The following FILIP1 variants were observed in gnomAD, a reference collection of about 807,000 sequenced individuals.
The protein encoded by FILIP1 is filamin A interacting protein 1, also known as filamin-A-interacting protein 1.
A neutral mutation model predicts 102.1 loss-of-function variants in FILIP1; 61 were observed. That is an observed-to-expected ratio of 0.60 (90% CI 0.49 to 0.74). The LOEUF is 0.74. FILIP1 is among the 30% of genes least tolerant of loss of function. The probability of loss-of-function intolerance (pLI) is 0.00; values close to 1 mark genes in which losing one functional copy is unlikely to be tolerated. For missense variants in FILIP1, 1,314 were observed against 1,441.2 expected (o/e 0.91, Z 1.43); for synonymous variants, 491 against 526.9 (o/e 0.93, Z 0.93).
chr6:75,386,392 C>T (rs1344380428), intron 2 of FILIP1: 1 of 152,194 alleles, frequency 6.6e-6, no homozygotes, highest in African/African-American at 2.4e-5. Flanking sequence ...TGTTCTTGCA[C>T]ATTTCTTCAT....
At chr6:75,337,736 A>G (rs769889472) in intron 4 of FILIP1, among the ~76,000 whole-genome samples, 3 of 152,188 alleles carry the variant, frequency 2.0e-5, no homozygotes, top group African/African-American at 4.8e-5. Context: ...TCTGGATAAT[A>G]GTTCTTCCCA....
At chr6:75,469,561 G>A (rs1426514819) in intron 1 of FILIP1, among the ~76,000 whole-genome samples, 1 of 151,916 alleles carries the variant, frequency 6.6e-6, no homozygotes, top group African/African-American at 2.4e-5. Context: ...TTCTTAAAAG[G>A]ATTAGCTTTT....
intron 4 of FILIP1, among the ~76,000 whole-genome samples, chr6:75,327,819 G>T (rs1562464154): frequency 6.6e-6 from 1 of 151,784 alleles, no homozygotes; most frequent in African/African-American, 2.4e-5. Flanking sequence ...TGAAATAATG[G>T]ATGTAGGTAA....
intron 2 of FILIP1, among the ~76,000 whole-genome samples, chr6:75,383,195 C>T (rs1217821993): frequency 6.6e-6 from 1 of 152,064 alleles, no homozygotes; most frequent in African/African-American, 2.4e-5. Flanking sequence ...CATTTCTGTC[C>T]CTGATCTTCA....
At chr6:75,323,444 A>G (rs1303794864) in intron 4 of FILIP1, among the ~76,000 whole-genome samples, 1 of 152,252 alleles carries the variant, frequency 6.6e-6, no homozygotes, top group East Asian at 1.9e-4. Context: ...AAGATTGTAA[A>G]CAAATATTAC....
At chr6:75,488,896 G>A (rs548892789) in intron 1 of FILIP1, among the ~76,000 whole-genome samples, 2 of 152,192 alleles carry the variant, frequency 1.3e-5, no homozygotes, top group East Asian at 3.9e-4. Flanking sequence ...TCATATTTAA[G>A]AAGAATGAAT....
intron 6 of FILIP1, among the ~76,000 whole-genome samples, chr6:75,296,158 A>G (rs1772661442): frequency 6.6e-6 from 1 of 152,198 alleles, no homozygotes; most frequent in Non-Finnish European, 1.5e-5. Flanking sequence ...AAAGCCCTTT[A>G]GAAACTACGT....
At chr6:75,372,895 T>C (rs1463955989) in intron 2 of FILIP1, among the ~76,000 whole-genome samples, 1 of 151,978 alleles carries the variant, frequency 6.6e-6, no homozygotes, top group African/African-American at 2.4e-5. Context: ...CTATGGAAAA[T>C]AGTATGTCAG....
intron 4 of FILIP1, among the ~76,000 whole-genome samples, chr6:75,342,950 C>T (rs1774462782): frequency 6.6e-6 from 1 of 152,184 alleles, no homozygotes; most frequent in African/African-American, 2.4e-5. Flanking sequence ...CAAGTTTTGC[C>T]TTTCTCTTCG....
intron 2 of FILIP1, among the ~76,000 whole-genome samples, chr6:75,406,099 C>G (rs1776835653): frequency 6.6e-6 from 1 of 152,152 alleles, no homozygotes; most frequent in Non-Finnish European, 1.5e-5. Context: ...CGGGGCCTTT[C>G]TGCTGATTTG....
At chr6:75,462,711 A>G (rs1779060574) in intron 1 of FILIP1, among the ~76,000 whole-genome samples, 1 of 151,984 alleles carries the variant, frequency 6.6e-6, no homozygotes, top group African/African-American at 2.4e-5. Context: ...TTATCTCTCA[A>G]ACTCAAGCCA....
intron 2 of FILIP1, among the ~76,000 whole-genome samples, chr6:75,363,199 G>A (rs1562503449): frequency 6.6e-6 from 1 of 151,916 alleles, no homozygotes; most frequent in Non-Finnish European, 1.5e-5. Context: ...TTGGGATGGG[G>A]TGGGGGAGGG....
At chr6:75,399,324 G>C (rs962719810) in intron 2 of FILIP1, 10 of 152,116 alleles carry the variant, frequency 6.6e-5, no homozygotes, top group African/African-American at 2.4e-4. Flanking sequence ...CTTTTGTATG[G>C]AAAAAATAAA....
At chr6:75,434,130 C>T (rs943577680) in intron 1 of FILIP1, among the ~76,000 whole-genome samples, 9 of 152,146 alleles carry the variant, frequency 5.9e-5, no homozygotes, top group Non-Finnish European at 1.3e-4. Context: ...TGTGATGCCT[C>T]CAGCTTTGTT....
intron 1 of FILIP1, among the ~76,000 whole-genome samples, chr6:75,434,914 C>T (rs893060347): frequency 6.6e-6 from 1 of 152,180 alleles, no homozygotes; most frequent in African/African-American, 2.4e-5. Context: ...TGAATTTTGT[C>T]GAAGGCCTTT....
chr6:75,412,427 G>C (rs1163737879), intron 2 of FILIP1, among the ~76,000 whole-genome samples: 1 of 152,054 alleles, frequency 6.6e-6, no homozygotes, highest in East Asian at 1.9e-4. Flanking sequence ...TTGCCTGATT[G>C]CCCTGGCCAG....
intron 2 of FILIP1, among the ~76,000 whole-genome samples, chr6:75,408,031 T>G (rs1300588938): frequency 6.6e-6 from 1 of 152,200 alleles, no homozygotes; most frequent in Non-Finnish European, 1.5e-5. Flanking sequence ...TTGGGACTAA[T>G]ACAAGGGGAA....
chr6:75,489,851 T>C (rs1421949105), intron 1 of FILIP1, among the ~76,000 whole-genome samples: 1 of 152,092 alleles, frequency 6.6e-6, no homozygotes, highest in Non-Finnish European at 1.5e-5. Flanking sequence ...GAATTTATAC[T>C]GCAGGCTTTT....
Position 75,314,845 on chromosome 6 carries a change from C to T in FILIP1, c.987G>A (p.Arg329=). The T allele has an allele frequency of 6.2e-7, 1 of 1,614,044 alleles. No homozygotes were observed. The highest frequency in any genetic ancestry group is 8.5e-7 in the Non-Finnish European group (1 of 1,180,012). Residue 329 remains arginine (R), a synonymous_variant, in exon 5 of 6, where the codon AGG becomes AGA. Coordinates refer to ENST00000237172, the MANE Select transcript of FILIP1 (RefSeq NM_015687.5). ...AGCCAACCAGCTTGAGTCTAAGTTG[C>T]CTATTGTGAGACTCTTGATTAGCCA... ...AKLANQESHN[R]QLRLKLVGLT...
Sources: gnomAD v4.1 joint callset for allele counts (sites outside exome capture counted in the v4.1 genomes callset) on GRCh38, gnomAD v4.1.1 for gene constraint, MANE v1.5 for transcripts, NCBI Gene and HGNC (gene_info 2026-07-23, HGNC 2026-07-21) for gene names.